Variants in GLG1 observed in about 807,000 individuals in gnomAD.
GLG1 encodes golgi glycoprotein 1, also known as Golgi apparatus protein 1.
In GLG1, 38 loss-of-function variants were observed where a neutral mutation model predicts 160.5. The ratio of observed to expected loss-of-function variants is 0.24; its 90% CI spans 0.18 to 0.31. GLG1 has a LOEUF of 0.31. Among genes scored for constraint, GLG1 ranks in the 10% least tolerant of loss-of-function variants. The probability of loss-of-function intolerance (pLI) is 1.00; values close to 1 mark genes in which losing one functional copy is unlikely to be tolerated. For missense variants in GLG1, 1,373 were observed against 1,505.2 expected (o/e 0.91, Z 1.45); for synonymous variants, 644 against 543.4 (o/e 1.19, Z -2.57).
intron 19 of GLG1, among the ~76,000 whole-genome samples, chr16:74,463,684 G>A (rs141845942): frequency 0.015 from 2,308 of 152,062 alleles, 45 homozygotes; most frequent in African/African-American, 0.053. Context: ...CCTGAGTAGC[G>A]GGGATTACAG....
intron 8 of GLG1, among the ~76,000 whole-genome samples, chr16:74,490,007 A>T (rs915890683): frequency 1.3e-5 from 2 of 152,188 alleles, no homozygotes; most frequent in Non-Finnish European, 2.9e-5. Flanking sequence ...AAAATAATAG[A>T]CTGATTGTGG....
At chr16:74,540,609 A>G (rs892905852) in intron 1 of GLG1, among the ~76,000 whole-genome samples, 2 of 151,738 alleles carry the variant, frequency 1.3e-5, no homozygotes, top group South Asian at 2.1e-4. Flanking sequence ...AATCATCCCC[A>G]TGACAGTCTA....
In GLG1 at chr16:74,599,247, C is replaced by T. The variant is rs113467357; in HGVS notation, c.438+7410G>A. Among the ~76,000 whole-genome samples the T allele has an allele frequency of 4.9e-3, 746 of 152,268 alleles. 7 individuals carry two copies. The highest frequency in any genetic ancestry group is 7.8e-3 in the Non-Finnish European group (532 of 68,026). On this transcript the variant is annotated intron_variant, in intron 1 of 25. Coordinates refer to ENST00000422840, the MANE Select transcript of GLG1 (RefSeq NM_001145667.2). ...GGAGAACCAGCTAGAGGTGAATATA[C>T]GACCCTTCATGACCTGGACTGAAAA...
chr16:74,595,451 G>A (rs1367394947), intron 1 of GLG1, among the ~76,000 whole-genome samples: 1 of 151,714 alleles, frequency 6.6e-6, no homozygotes, highest in East Asian at 1.9e-4. Flanking sequence ...GCAGGAGAAT[G>A]GCATGAACCC....
intron 1 of GLG1, among the ~76,000 whole-genome samples, chr16:74,595,822 A>T (rs896860611): frequency 4.6e-5 from 7 of 152,150 alleles, no homozygotes; most frequent in Admixed American, 3.9e-4. Context: ...TTTAAGACAT[A>T]AACAATATAA....
intron 2 of GLG1, among the ~76,000 whole-genome samples, chr16:74,512,682 G>GAA (rs1200362358): frequency 3.8e-5 from 5 of 131,316 alleles, no homozygotes; most frequent in Admixed American, 1.5e-4. Flanking sequence ...GTGAAGGAAG[G>GAA]AAAAAAAAAA....
rs1454609304 is a variant in GLG1, at chr16:74,448,436, C to T, written c.*4731G>A. On this transcript the variant is annotated 3_prime_UTR_variant, in exon 26 of 26. Transcript: ENST00000422840. ...CCAAATGGTGAGAAATAAAAGGAAGCATTCTGGCCTTTCAGGTTTTTCAAA... is the reference window on the plus strand; with the variant it reads ...CCAAATGGTGAGAAATAAAAGGAAGTATTCTGGCCTTTCAGGTTTTTCAAA... The T allele has an allele frequency of 6.6e-6, 1 of 152,188 alleles. No individual in the cohort carries two copies. Among genetic ancestry groups the T allele is most frequent in the Non-Finnish European group, 1.5e-5 (1 of 68,032 alleles). The allele number at this position is 152,188 out of a possible 1,614,324, so 9.4% of individuals were successfully genotyped here. A position where few individuals can be genotyped will look rare whatever the true frequency, so the allele number is the denominator to read the frequency against.
chr16:74,607,015 GC>G lies in GLG1; in HGVS notation c.79del (p.Ala27ProfsTer24). 1 of 1,600,406 alleles carries G rather than the reference GC, an allele frequency of 6.2e-7. No individual in the cohort carries two copies. The highest frequency in any genetic ancestry group is 8.5e-7 in the Non-Finnish European group (1 of 1,175,950). ...LHLLLLFAAG[A>X]EKLPGQGVHS... ...GACGCCCTGGCCGGGGAGTTTCTCG[GC>G]CCCGGCCGCGAATAGCAGCAGCAGA... is the stretch of plus-strand genomic sequence containing the variant. On this transcript the variant is annotated frameshift_variant, in exon 1 of 26. Coordinates refer to ENST00000422840, the MANE Select transcript of GLG1 (RefSeq NM_001145667.2). LOFTEE classifies it high-confidence loss of function.
chr16:74,510,336 G>C (rs1182475690), intron 2 of GLG1, among the ~76,000 whole-genome samples: 1 of 152,032 alleles, frequency 6.6e-6, no homozygotes, highest in Non-Finnish European at 1.5e-5. Context: ...CAGCCCATAA[G>C]GTCCACTTTA....
In GLG1 at chr16:74,458,012, T is replaced by A. The variant is rs2014627903; in HGVS notation, c.3145-18A>T. ...AGCACTTCCTGGAAAGGGAGGGTCA[T>A]TGCAGACAGAGCTTTTGAAGGGGAA... On this transcript the variant is annotated intron_variant, in intron 23 of 25. Coordinates refer to ENST00000422840, the MANE Select transcript of GLG1 (RefSeq NM_001145667.2). 4 of 1,612,872 alleles carry A rather than the reference T, an allele frequency of 2.5e-6. No homozygotes were observed. The highest frequency in any genetic ancestry group is 3.4e-6 in the Non-Finnish European group (4 of 1,178,920).
chr16:74,591,861 A>G (rs910349872), intron 1 of GLG1, among the ~76,000 whole-genome samples: 2 of 152,198 alleles, frequency 1.3e-5, no homozygotes, highest in African/African-American at 2.4e-5. Flanking sequence ...AGGGAAAAAA[A>G]GCAGTCTTCT....
chr16:74,525,309 G>C (rs1047168145), intron 2 of GLG1, among the ~76,000 whole-genome samples: 1 of 152,102 alleles, frequency 6.6e-6, no homozygotes, highest in Admixed American at 6.6e-5. Context: ...CCACCTTTTT[G>C]ATTACACCCA....
intron 1 of GLG1, among the ~76,000 whole-genome samples, chr16:74,543,224 A>G: frequency 6.6e-6 from 1 of 152,264 alleles, no homozygotes; most frequent in Non-Finnish European, 1.5e-5. Context: ...TTAAGACAGC[A>G]CACTTCACTG....
intron 13 of GLG1, among the ~76,000 whole-genome samples, chr16:74,473,891 A>C (rs184140303): frequency 1.2e-4 from 18 of 152,294 alleles, no homozygotes; most frequent in Admixed American, 7.8e-4. Flanking sequence ...AGAGCGAGGG[A>C]TGAGAGAACG....
Position 74,606,923 on chromosome 16 carries a change from G to A in GLG1, c.172C>T (p.Pro58Ser), listed in dbSNP as rs1958585999. 6.2e-7 allele frequency: 1 copy of A among 1,607,496 alleles called. No homozygotes were observed. Among genetic ancestry groups the A allele is most frequent in the African/African-American group, 1.3e-5 (1 of 75,034 alleles). ...AGCTGGGGCAGCTGCTGACCCGCCG[G>A]GCCGCCGCCTCCGGCCTGCCCTACG... ...SFVGQAGGGG[P>S]AGQQLPQLPQ... The change falls in exon 1 of 26, where the codon CCG (proline) becomes TCG (serine). Residue 58 changes from proline (P) to serine (S), a missense_variant. Coordinates refer to ENST00000422840, the MANE Select transcript of GLG1 (RefSeq NM_001145667.2).
At chr16:74,565,107 G>A (rs1244924944) in intron 1 of GLG1, among the ~76,000 whole-genome samples, 1 of 152,324 alleles carries the variant, frequency 6.6e-6, no homozygotes, top group African/African-American at 2.4e-5. Flanking sequence ...GGGAGGCTGA[G>A]ATGAGCAAAT....
intron 1 of GLG1, among the ~76,000 whole-genome samples, chr16:74,575,112 T>C (rs947883427): frequency 1.8e-4 from 26 of 143,066 alleles, no homozygotes; most frequent in African/African-American, 6.0e-4. Context: ...CTGGGCATGA[T>C]GGTGGGTGCC....
At chr16:74,506,751 G>C (rs1440403825) in intron 3 of GLG1, among the ~76,000 whole-genome samples, 1 of 152,036 alleles carries the variant, frequency 6.6e-6, no homozygotes, top group Non-Finnish European at 1.5e-5. Flanking sequence ...AACAGGGCGT[G>C]GTGTTAGAAT....
rs1171685962 is a variant in GLG1 at position 74,450,326 on chromosome 16, G to A, written c.*2841C>T. ...GACTGACCTATAAGGCCAGGAACCA[G>A]GGGTGCCCCAGGCCCTGTTTTGTTT... On this transcript the variant is annotated 3_prime_UTR_variant, in exon 26 of 26. Coordinates refer to ENST00000422840, the MANE Select transcript of GLG1 (RefSeq NM_001145667.2). The A allele has an allele frequency of 1.3e-5, 2 of 152,230 alleles. No individual in the cohort carries two copies. Among genetic ancestry groups the A allele is most frequent in the African/African-American group, 4.8e-5 (2 of 41,450 alleles). 9.4% of individuals were successfully genotyped at this position (152,230 alleles called of 1,614,324 possible).
Sources: allele counts gnomAD v4.1 joint callset (sites outside exome capture counted in the v4.1 genomes callset), GRCh38; gene constraint gnomAD v4.1.1; transcripts MANE v1.5; gene names NCBI Gene and HGNC (gene_info 2026-07-23, HGNC 2026-07-21).